The following PLCB4 variants were observed in gnomAD, a reference collection of about 807,000 sequenced individuals.
The protein encoded by PLCB4 is 1-phosphatidylinositol 4,5-bisphosphate phosphodiesterase beta-4.
In PLCB4, 77 loss-of-function variants were observed where a neutral mutation model predicts 178.8. That is an observed-to-expected ratio of 0.43 (90% CI 0.36 to 0.52). The LOEUF is 0.52. Ranked by LOEUF, PLCB4 falls within the 20% of genes least tolerant of loss-of-function variation. PLCB4 has a pLI of 0.00. For missense variants in PLCB4, 1,024 were observed against 1,453.4 expected, an observed-to-expected ratio of 0.70 and a Z score of 4.80; for synonymous variants, 496 against 490.8, an observed-to-expected ratio of 1.01 and a Z score of -0.14.
chr20:9,343,507 A>G (rs1265888018), intron 7 of PLCB4, among the ~76,000 whole-genome samples: 1 of 152,178 alleles, frequency 6.6e-6, no homozygotes, highest in Non-Finnish European at 1.5e-5. Context: ...TAAATACAAA[A>G]TACTTTCCAG....
chr20:9,302,034 G>A (rs2147835359), intron 3 of PLCB4, among the ~76,000 whole-genome samples: 1 of 152,194 alleles, frequency 6.6e-6, no homozygotes, highest in East Asian at 1.9e-4. Flanking sequence ...CTTTCCTGTG[G>A]GCTCTGCATG....
At chr20:9,294,215 C>T (rs940489217) in intron 3 of PLCB4, among the ~76,000 whole-genome samples, 2 of 152,004 alleles carry the variant, frequency 1.3e-5, no homozygotes, top group Non-Finnish European at 2.9e-5. Context: ...AGGTTTGGGC[C>T]AAAAGAGGTA....
intron 2 of PLCB4, among the ~76,000 whole-genome samples, chr20:9,199,301 G>A (rs557845812): frequency 6.6e-6 from 1 of 152,116 alleles, no homozygotes; most frequent in Admixed American, 6.5e-5. Flanking sequence ...AAAAATGGAG[G>A]TGTGTTTTTC....
intron 4 of PLCB4, among the ~76,000 whole-genome samples, chr20:9,327,284 A>C (rs370518946): frequency 1.3e-5 from 2 of 148,660 alleles, no homozygotes; most frequent in Admixed American, 1.3e-4. Context: ...ACAAAAAAAA[A>C]TTTTTTTTTT....
At chr20:9,385,587 G>A (rs1266590916) in intron 14 of PLCB4, among the ~76,000 whole-genome samples, 3 of 149,572 alleles carry the variant, frequency 2.0e-5, no homozygotes, top group East Asian at 2.0e-4. Context: ...CAGACGGGGC[G>A]GCTGGCAGAG....
At chr20:9,183,012 C>G (rs374545761) in intron 2 of PLCB4, among the ~76,000 whole-genome samples, 3 of 152,152 alleles carry the variant, frequency 2.0e-5, no homozygotes. Context: ...CAGGGAGTCA[C>G]GCTGCTCTGC....
At chr20:9,444,806 A>G (rs1020676254) in intron 32 of PLCB4, among the ~76,000 whole-genome samples, 8 of 152,210 alleles carry the variant, frequency 5.3e-5, no homozygotes, top group Non-Finnish European at 1.0e-4. Flanking sequence ...ACTATATAAA[A>G]TATTGAAGAC....
chr20:9,339,180 A>G (rs1267900871), intron 7 of PLCB4, 143 bp downstream of exon 7: 1 of 704,586 alleles, frequency 1.4e-6, no homozygotes, highest in Non-Finnish European at 2.3e-6. Flanking sequence ...GTTTCTGTAG[A>G]AAATCAGCAA....
At chr20:9,319,135 A>G (rs1252135019) in intron 4 of PLCB4, among the ~76,000 whole-genome samples, 1 of 152,220 alleles carries the variant, frequency 6.6e-6, no homozygotes, top group African/African-American at 2.4e-5. Context: ...GAGTTCATTC[A>G]AGTGTGGACA....
intron 25 of PLCB4, among the ~76,000 whole-genome samples, chr20:9,417,681 A>G (rs1027785563): frequency 1.3e-5 from 2 of 152,178 alleles, no homozygotes; most frequent in Admixed American, 6.5e-5. Flanking sequence ...AAGTTCTTCT[A>G]TGAATATGTC....
intron 28 of PLCB4, among the ~76,000 whole-genome samples, chr20:9,426,875 T>C (rs1343257111): frequency 6.6e-6 from 1 of 152,090 alleles, no homozygotes. Flanking sequence ...GGAAACAGAG[T>C]TAGGAATTTG....
chr20:9,289,321 A>C (rs2147752185), intron 3 of PLCB4, among the ~76,000 whole-genome samples: 1 of 152,230 alleles, frequency 6.6e-6, no homozygotes, highest in Admixed American at 6.6e-5. Flanking sequence ...TATAAAACTA[A>C]GTTTTCTCTA....
intron 2 of PLCB4, among the ~76,000 whole-genome samples, chr20:9,115,932 A>C (rs1471347404): frequency 6.6e-6 from 1 of 152,034 alleles, no homozygotes; most frequent in African/African-American, 2.4e-5. Context: ...CACCATTTTA[A>C]AGTAATGTAA....
At chr20:9,337,726 T>C (rs919437813) in intron 5 of PLCB4, among the ~76,000 whole-genome samples, 46 of 152,162 alleles carry the variant, frequency 3.0e-4, no homozygotes, top group African/African-American at 8.4e-4. Context: ...TTAACAATGT[T>C]TTATATATAA....
At chr20:9,252,902 C>T (rs1041516093) in intron 3 of PLCB4, among the ~76,000 whole-genome samples, 1 of 152,138 alleles carries the variant, frequency 6.6e-6, no homozygotes, top group Non-Finnish European at 1.5e-5. Flanking sequence ...CGTTTTTAGG[C>T]CTTCTGGTTT....
At chr20:9,195,657 C>A (rs933436204) in intron 2 of PLCB4, among the ~76,000 whole-genome samples, 6 of 152,130 alleles carry the variant, frequency 3.9e-5, no homozygotes, top group Non-Finnish European at 8.8e-5. Context: ...GGGATCCCAT[C>A]AATCCTCCTG....
intron 3 of PLCB4, among the ~76,000 whole-genome samples, chr20:9,256,376 G>T (rs1478546523): frequency 4.6e-5 from 7 of 152,124 alleles, no homozygotes; most frequent in African/African-American, 1.7e-4. Flanking sequence ...AGTGTCAAAT[G>T]CACACTCCCA....
intron 32 of PLCB4, among the ~76,000 whole-genome samples, chr20:9,451,728 G>T (rs1305629869): frequency 6.6e-6 from 1 of 152,104 alleles, no homozygotes; most frequent in Non-Finnish European, 1.5e-5. Flanking sequence ...GTATAGATAG[G>T]TTTGTATGTC....
chr20:9,155,801 C>T (rs775823367), intron 2 of PLCB4, among the ~76,000 whole-genome samples: 4 of 152,120 alleles, frequency 2.6e-5, no homozygotes, highest in Admixed American at 6.5e-5. Context: ...AGCTAAACTC[C>T]CAGGGAGTAA....
Sources: gnomAD v4.1 joint callset for allele counts (sites outside exome capture counted in the v4.1 genomes callset) on GRCh38, gnomAD v4.1.1 for gene constraint, MANE v1.5 for transcripts, NCBI Gene and HGNC (gene_info 2026-07-23, HGNC 2026-07-21) for gene names.